The following GABRB1 variants were observed in gnomAD, a reference collection of about 807,000 sequenced individuals.
GABRB1 encodes the protein gamma-aminobutyric acid type A receptor subunit beta1, also known as gamma-aminobutyric acid receptor subunit beta-1.
Under a neutral mutation model 51.6 loss-of-function variants are expected in GABRB1, and 17 were observed. The observed-to-expected ratio is 0.33, with a 90% CI of 0.23 to 0.49. The LOEUF is 0.49. Ranked by LOEUF, GABRB1 falls within the 20% of genes least tolerant of loss-of-function variation. GABRB1 has a pLI of 0.99. For synonymous variants in GABRB1, 247 were observed against 218.9 expected, an observed-to-expected ratio of 1.13 and a Z score of -1.14; for missense variants, 410 against 600.6, an observed-to-expected ratio of 0.68 and a Z score of 3.32.
At chr4:47,182,585 C>A (rs1718996932) in intron 4 of GABRB1, among the ~76,000 whole-genome samples, 2 of 151,850 alleles carry the variant, frequency 1.3e-5, no homozygotes, top group South Asian at 2.1e-4. Context: ...TTATTCTGGT[C>A]CTTCTCTCAG....
chr4:47,178,769 G>T (rs1290504170), intron 4 of GABRB1, among the ~76,000 whole-genome samples: 1 of 152,062 alleles, frequency 6.6e-6, no homozygotes, highest in African/African-American at 2.4e-5. Flanking sequence ...GAGATGCCAA[G>T]AACTTTATTT....
At chr4:47,051,255 G>A (rs1726337748) in intron 3 of GABRB1, among the ~76,000 whole-genome samples, 1 of 152,132 alleles carries the variant, frequency 6.6e-6, no homozygotes, top group Non-Finnish European at 1.5e-5. Flanking sequence ...AAATGTTAAT[G>A]AGCCTTTGGG....
chr4:47,321,016 C>G (rs1725064198), intron 5 of GABRB1, among the ~76,000 whole-genome samples: 1 of 152,102 alleles, frequency 6.6e-6, no homozygotes, highest in Non-Finnish European at 1.5e-5. Flanking sequence ...ATATTTTAGT[C>G]ATGAAGATTT....
intron 4 of GABRB1, among the ~76,000 whole-genome samples, chr4:47,262,067 T>A (rs1335406290): frequency 6.6e-6 from 1 of 151,582 alleles, no homozygotes; most frequent in Non-Finnish European, 1.5e-5. Context: ...GACTTAAATG[T>A]TAGACCTAAA....
intron 3 of GABRB1, among the ~76,000 whole-genome samples, chr4:47,121,337 G>T (rs1266685399): frequency 6.6e-6 from 1 of 152,182 alleles, no homozygotes; most frequent in Non-Finnish European, 1.5e-5. Flanking sequence ...CACTGCCAGG[G>T]AATAGGAGAT....
At chr4:47,112,183 C>T (rs1248360475) in intron 3 of GABRB1, among the ~76,000 whole-genome samples, 1 of 151,718 alleles carries the variant, frequency 6.6e-6, no homozygotes, top group African/African-American at 2.4e-5. Flanking sequence ...TTTTAGTAGA[C>T]ATTGAAGTTA....
chr4:47,172,709 T>C (rs1325478804), intron 4 of GABRB1, among the ~76,000 whole-genome samples: 1 of 124,130 alleles, frequency 8.1e-6, no homozygotes, highest in Admixed American at 1.1e-4. Context: ...TGGCACGGTC[T>C]CAACTCGAAG....
intron 5 of GABRB1, among the ~76,000 whole-genome samples, chr4:47,360,208 G>A (rs1726751395): frequency 6.6e-6 from 1 of 151,900 alleles, no homozygotes; most frequent in African/African-American, 2.4e-5. Flanking sequence ...GGAGACATCT[G>A]TGATATGGGA....
At chr4:47,088,065 G>A (rs959855880) in intron 3 of GABRB1, among the ~76,000 whole-genome samples, 1 of 152,108 alleles carries the variant, frequency 6.6e-6, no homozygotes, top group Non-Finnish European at 1.5e-5. Flanking sequence ...TGCTTTTAGA[G>A]GAAATCATGG....
chr4:47,328,053 G>A (rs1356536319), intron 5 of GABRB1, among the ~76,000 whole-genome samples: 2 of 152,160 alleles, frequency 1.3e-5, no homozygotes, highest in African/African-American at 2.4e-5. Flanking sequence ...GCATTCTTCT[G>A]ATGGCCAGTG....
At chr4:47,111,969 CTTT>C (rs372238269) in intron 3 of GABRB1, among the ~76,000 whole-genome samples, 7 of 137,808 alleles carry the variant, frequency 5.1e-5, no homozygotes, top group Admixed American at 2.2e-4. Context: ...AAGTAGTATT[CTTT>C]TTTTTTTTTT....
intron 4 of GABRB1, among the ~76,000 whole-genome samples, chr4:47,198,212 C>A (rs967786636): frequency 6.6e-6 from 1 of 152,062 alleles, no homozygotes; most frequent in Non-Finnish European, 1.5e-5. Flanking sequence ...TTTTGGTGAG[C>A]TGAAGAAGAA....
chr4:47,426,428 C>CAAAAAAAAAAAAAAAAAAAAAAAAA (rs59682924), exon 9 of GABRB1: 1 of 84,828 alleles, frequency 1.2e-5, no homozygotes, highest in African/African-American at 3.6e-5. Flanking sequence ...CTTATGCTGC[C>CAAAAAAAAAAAAAAAAAAAAAAAAA]AAAAAAAAAA....
chr4:47,019,625 CTCTTTCTTTCTTTCTTTCTTTCTT>C (rs1157555893), intron 1 of GABRB1, among the ~76,000 whole-genome samples: 114 of 91,098 alleles, frequency 1.3e-3, no homozygotes, highest in Non-Finnish European at 1.9e-3. Flanking sequence ...TTCTTTCTCT[CTCTTTCTTTCTTTCTTTCTTTCTT>C]TCTTTCTTTC....
intron 3 of GABRB1, among the ~76,000 whole-genome samples, chr4:47,047,163 TAAAC>T: frequency 6.6e-6 from 1 of 152,066 alleles, no homozygotes; most frequent in East Asian, 1.9e-4. Context: ...TAAAAAAAAT[TAAAC>T]AAAACAGTCT....
intron 4 of GABRB1, among the ~76,000 whole-genome samples, chr4:47,195,496 T>C (rs1382176810): frequency 1.7e-5 from 2 of 118,260 alleles, no homozygotes; most frequent in Non-Finnish European, 3.7e-5. Flanking sequence ...GATAGATAGA[T>C]AGATAGATAG....
intron 1 of GABRB1, among the ~76,000 whole-genome samples, chr4:47,017,631 C>T (rs1724788486): frequency 6.6e-6 from 1 of 152,026 alleles, no homozygotes; most frequent in Non-Finnish European, 1.5e-5. Context: ...TTTTTTCACA[C>T]TCACACACAC....
chr4:47,320,764 T>C (rs1441909647), intron 5 of GABRB1, among the ~76,000 whole-genome samples: 1 of 88,018 alleles, frequency 1.1e-5, no homozygotes, highest in Non-Finnish European at 2.3e-5. Flanking sequence ...TTTTCTTTTC[T>C]TTTTTCTTTT....
At chr4:47,096,682 G>A (rs914005942) in intron 3 of GABRB1, among the ~76,000 whole-genome samples, 1 of 152,148 alleles carries the variant, frequency 6.6e-6, no homozygotes, top group Non-Finnish European at 1.5e-5. Flanking sequence ...CCCAGATGTG[G>A]TAAGAAGGAA....
Sources: allele counts gnomAD v4.1 joint callset (sites outside exome capture counted in the v4.1 genomes callset), GRCh38; gene constraint gnomAD v4.1.1; transcripts MANE v1.5; gene names NCBI Gene and HGNC (gene_info 2026-07-23, HGNC 2026-07-21).